FBLN1: variants seen among roughly 807,000 people sequenced by gnomAD.
FBLN1 encodes fibulin 1.
Under a neutral mutation model 89.7 loss-of-function variants are expected in FBLN1, and 34 were observed. The ratio of observed to expected loss-of-function variants is 0.38; its 90% CI spans 0.29 to 0.50. The LOEUF (loss-of-function observed/expected upper bound fraction) is 0.50, where lower values mean the gene tolerates loss of function less well. Among genes scored for constraint, FBLN1 ranks in the 20% least tolerant of loss-of-function variants. FBLN1 has a pLI of 0.92. For missense variants in FBLN1, 777 were observed against 988.1 expected (o/e 0.79, Z 2.86); for synonymous variants, 393 against 391.3 (o/e 1.00, Z -0.05).
intron 1 of FBLN1, chr22:45,517,591 A>G (rs1457790156): frequency 2.1e-6 from 1 of 471,230 alleles, no homozygotes; most frequent in Admixed American, 2.3e-5. Context: ...GTGGGAGATA[A>G]GATGGCCAGG....
rs1206632397 is a variant in FBLN1, at chr22:45,537,941, A to G, written c.922+2604A>G. On this transcript the variant is annotated intron_variant, in intron 8 of 16. Coordinates refer to ENST00000327858, the MANE Select transcript of FBLN1 (RefSeq NM_006486.3). The surrounding 1 kb of genome is among the most constrained non-coding windows in gnomAD (Gnocchi z 5.7). The stretch of plus-strand genomic sequence containing the variant: ...CGGAGGAGGCTGGCGTCGACTGAGG[A>G]TGGAAACCCTGACTCATGGCAAAAT... 2.0e-5 allele frequency among the ~76,000 whole-genome samples: 3 copies of G among 152,344 alleles called. No homozygotes were observed. The highest frequency in any genetic ancestry group is 3.9e-4 in the East Asian group (2 of 5,184).
rs895747221 is a variant in FBLN1 at position 45,581,969 on chromosome 22, C to G, written c.1972+4861C>G. Among the ~76,000 whole-genome samples the G allele has an allele frequency of 1.3e-5, 2 of 152,154 alleles. No homozygotes were observed. Among genetic ancestry groups the G allele is most frequent in the Non-Finnish European group, 2.9e-5 (2 of 68,016 alleles). On this transcript the variant is annotated intron_variant, in intron 16 of 16. Coordinates refer to ENST00000327858, the MANE Select transcript of FBLN1 (RefSeq NM_006486.3). The surrounding 1 kb of genome is among the most constrained non-coding windows in gnomAD (Gnocchi z 7.6). The stretch of plus-strand genomic sequence containing the variant: ...GCTGTCCTGGGGACCACGGGAGCCA[C>G]GGGAGGTCTGTGCTGCCCATGGAGC...
At chr22:45,521,110 C>T (rs1426967616) in intron 2 of FBLN1, among the ~76,000 whole-genome samples, 1 of 152,214 alleles carries the variant, frequency 6.6e-6, no homozygotes, top group Non-Finnish European at 1.5e-5. Context: ...GCCACTGCGC[C>T]CGGCCAATTT....
Position 45,575,092 on chromosome 22 carries a change from C to T in FBLN1, c.1840+439C>T, listed in dbSNP as rs1462772816. 2.0e-5 allele frequency among the ~76,000 whole-genome samples: 3 copies of T among 152,162 alleles called. No homozygotes were observed. Among genetic ancestry groups the T allele is most frequent in the African/African-American group, 7.2e-5 (3 of 41,442 alleles). On this transcript the variant is annotated intron_variant, in intron 15 of 16. Transcript: ENST00000327858. The surrounding 1 kb of genome is among the most constrained non-coding windows in gnomAD (Gnocchi z 6.3). ...CCACCGCGCCTGGCAACTTGACATG[C>T]AGAACTTTCTTTGTGTCTGTGTCCC...
At chr22:45,517,557 TC>T in intron 1 of FBLN1, 1 of 471,106 alleles carries the variant, frequency 2.1e-6, no homozygotes, top group South Asian at 1.5e-5. Context: ...TGGAGCGTGA[TC>T]CTTTCATCTG....
At chr22:45,541,908 G>A (rs576779445) in intron 9 of FBLN1, among the ~76,000 whole-genome samples, 19 of 152,304 alleles carry the variant, frequency 1.2e-4, no homozygotes, top group African/African-American at 4.3e-4. Flanking sequence ...TGTCTCCCTG[G>A]GTTCCTGGGC....
At position 45,518,723 on chromosome 22, in the gene FBLN1, C is replaced by T. The variant is rs2088204862; in HGVS notation, c.121C>T (p.His41Tyr). 6.2e-7 allele frequency: 1 copy of T among 1,612,022 alleles called. No homozygotes were observed. ...VLLEACCADG[H>Y]RMATHQKDCS... ...CCTGGAGGCCTGCTGTGCGGACGGA[C>T]ACCGGATGGCCACTCATCAGAAGGA... The change falls in exon 2 of 17, where the codon CAC (histidine) becomes TAC (tyrosine). Residue 41 changes from histidine (H) to tyrosine (Y), a missense_variant. His to Tyr is a moderately conservative substitution (Grantham distance 83). Coordinates refer to ENST00000327858, the MANE Select transcript of FBLN1 (RefSeq NM_006486.3).
rs1602195523 is a variant in FBLN1 at position 45,545,588 on chromosome 22, A to G, written c.1322-1497A>G. ...ACCTTGCTATGTGACCTTACTAACC[A>G]TTTGTTAGGGTCCTGCCCCGGGTGT... On this transcript the variant is annotated intron_variant, in intron 11 of 16. Coordinates refer to ENST00000327858, the MANE Select transcript of FBLN1 (RefSeq NM_006486.3). The surrounding 1 kb of genome is among the most constrained non-coding windows in gnomAD (Gnocchi z 5.9). Among the ~76,000 whole-genome samples, 1 of 152,026 alleles carries G rather than the reference A, an allele frequency of 6.6e-6. No homozygotes were observed. The highest frequency in any genetic ancestry group is 1.9e-4 in the East Asian group (1 of 5,188).
rs2088563835 is a variant in FBLN1 at position 45,542,134 on chromosome 22, GCTTT to G, written c.1067-14_1067-11del. 1 of 1,614,104 alleles carries G rather than the reference GCTTT, an allele frequency of 6.2e-7. No homozygotes were observed. The highest frequency in any genetic ancestry group is 2.2e-5 in the East Asian group (1 of 44,886). ...ACCCAAACTAAAGGTTTTCATCATG[GCTTT>G]CTTTCTCCTTTGCAAGATGTGGACG... On this transcript the variant is annotated splice_polypyrimidine_tract_variant and intron_variant, in intron 9 of 16. Transcript: ENST00000327858.
In FBLN1 at chr22:45,580,063, T is replaced by C. The variant is rs1033112316; in HGVS notation, c.1972+2955T>C. ...CACAGACACTGCCAGCGACGGGTCA[T>C]GATTGTCTCCCTTGGGCAAAGGAGG... On this transcript the variant is annotated intron_variant, in intron 16 of 16. Coordinates refer to ENST00000327858, the MANE Select transcript of FBLN1 (RefSeq NM_006486.3). The surrounding 1 kb of genome is among the most constrained non-coding windows in gnomAD (Gnocchi z 8.6). 6.6e-6 allele frequency among the ~76,000 whole-genome samples: 1 copy of C among 152,120 alleles called. No individual in the cohort carries two copies. The highest frequency in any genetic ancestry group is 1.5e-5 in the Non-Finnish European group (1 of 68,018).
In FBLN1 at chr22:45,536,687, C is replaced by T. The variant is rs529853699; in HGVS notation, c.922+1350C>T. ...GGCTGAGGCAGCAGAATCGCTTGAG[C>T]CTGGGAGGCAGAGGTTGCAGTGAGC... On this transcript the variant is annotated intron_variant, in intron 8 of 16. Coordinates refer to ENST00000327858, the MANE Select transcript of FBLN1 (RefSeq NM_006486.3). This position sits in a 1 kb window ranked among gnomAD's most constrained non-coding sequence, Gnocchi z 5.1. Among the ~76,000 whole-genome samples, 1 of 152,028 alleles carries T rather than the reference C, an allele frequency of 6.6e-6. No homozygotes were observed. Among genetic ancestry groups the T allele is most frequent in the South Asian group, 2.1e-4 (1 of 4,796 alleles).
At chr22:45,534,973 G>A (rs1435289406) in intron 7 of FBLN1, among the ~76,000 whole-genome samples, 3 of 152,130 alleles carry the variant, frequency 2.0e-5, no homozygotes, top group Non-Finnish European at 4.4e-5. Flanking sequence ...CAGACAGTTT[G>A]CCTCATAAGA....
chr22:45,547,342 C>T lies in FBLN1; in HGVS notation c.1441+138C>T, dbSNP rs1439609466. On this transcript the variant is annotated intron_variant, in intron 12 of 16. Coordinates refer to ENST00000327858, the MANE Select transcript of FBLN1 (RefSeq NM_006486.3). The stretch of plus-strand genomic sequence containing the variant: ...CACCTGACAAACCTTCCATGTCCAC[C>T]CTTGGAGGCAAGCGGGTGGTTTGCT... The T allele has an allele frequency of 2.7e-6, 3 of 1,105,000 alleles. No homozygotes were observed. The African/African-American group carries it at 4.7e-5, about 17-fold the overall frequency. The allele number at this position is 1,105,000 out of a possible 1,614,324, so 68.4% of individuals were successfully genotyped here.
intron 16 of FBLN1, among the ~76,000 whole-genome samples, chr22:45,598,645 T>A (rs2089206161): frequency 6.6e-6 from 1 of 152,192 alleles, no homozygotes; most frequent in Non-Finnish European, 1.5e-5. Context: ...GGTGCATACC[T>A]TTCATCCTAG....
Position 45,531,905 on chromosome 22 carries a change from G to A in FBLN1, c.544+581G>A, listed in dbSNP as rs532291290. Among the ~76,000 whole-genome samples the A allele has an allele frequency of 6.6e-6, 1 of 152,244 alleles. No homozygotes were observed. The highest frequency in any genetic ancestry group is 2.4e-5 in the African/African-American group (1 of 41,460). On this transcript the variant is annotated intron_variant, in intron 5 of 16. Transcript: ENST00000327858. The surrounding 1 kb of genome is among the most constrained non-coding windows in gnomAD (Gnocchi z 4.9). ...GAGAGGAGGGGGCTCAGCGTTCCCTGCCTTTGTGCCCCTGGAGCCCCAGCC... is the reference window on the plus strand; with the variant it reads ...GAGAGGAGGGGGCTCAGCGTTCCCTACCTTTGTGCCCCTGGAGCCCCAGCC...
rs934537029 is a variant in FBLN1 at position 45,532,074 on chromosome 22, C to G, written c.544+750C>G. Among the ~76,000 whole-genome samples the G allele has an allele frequency of 1.3e-5, 2 of 152,222 alleles. No individual in the cohort carries two copies. The highest frequency in any genetic ancestry group is 4.8e-5 in the African/African-American group (2 of 41,450). On this transcript the variant is annotated intron_variant, in intron 5 of 16. Coordinates refer to ENST00000327858, the MANE Select transcript of FBLN1 (RefSeq NM_006486.3). This position sits in a 1 kb window ranked among gnomAD's most constrained non-coding sequence, Gnocchi z 4.2. ...TTCTGGCATGTCTAGACCTGCAGAT[C>G]TGCCTCACAAGCTCTTTCAGTGGTT...
Position 45,531,136 on chromosome 22 carries a change from G to C in FBLN1, c.485-129G>C, listed in dbSNP as rs1175791364. ...TTAAAGAGGATAAAGTTAATACTTA[G>C]CTGTTTATATAAGATGTTCAAATGG... On this transcript the variant is annotated intron_variant, in intron 4 of 16. Coordinates refer to ENST00000327858, the MANE Select transcript of FBLN1 (RefSeq NM_006486.3). This position sits in a 1 kb window ranked among gnomAD's most constrained non-coding sequence, Gnocchi z 4.9. 6.5e-6 allele frequency: 5 copies of C among 772,074 alleles called. No individual in the cohort carries two copies. The African/African-American group carries it at 8.5e-5, about 13-fold the overall frequency. 47.8% of individuals were successfully genotyped at this position (772,074 alleles called of 1,614,324 possible).
chr22:45,584,030 C>T (rs2089064366), intron 16 of FBLN1, among the ~76,000 whole-genome samples: 1 of 152,078 alleles, frequency 6.6e-6, no homozygotes, highest in Non-Finnish European at 1.5e-5. Flanking sequence ...AAGGCAGGGG[C>T]CCCCAGGAGG....
chr22:45,503,286 C>G, intron 1 of FBLN1: 1 of 297,806 alleles, frequency 3.4e-6, no homozygotes, highest in Non-Finnish European at 6.2e-6. Context: ...AAACCGGATT[C>G]CCCCACCCCT....
Sources: gnomAD v4.1 joint callset for allele counts (sites outside exome capture counted in the v4.1 genomes callset) on GRCh38, gnomAD v4.1.1 for gene constraint, Gnocchi (gnomAD v3.1) non-coding constraint, MANE v1.5 for transcripts, NCBI Gene and HGNC (gene_info 2026-07-23, HGNC 2026-07-21) for gene names.